Variants in TSHZ3 observed in about 807,000 individuals in gnomAD.
TSHZ3 encodes the protein teashirt homolog 3.
A neutral mutation model predicts 64.5 loss-of-function variants in TSHZ3; 10 were observed. The ratio of observed to expected loss-of-function variants is 0.16; its 90% CI spans 0.10 to 0.26. The LOEUF (loss-of-function observed/expected upper bound fraction) is 0.26. Ranked by LOEUF, TSHZ3 falls within the 10% of genes least tolerant of loss-of-function variation. The probability of loss-of-function intolerance (pLI) is 1.00; values close to 1 mark genes in which losing one functional copy is unlikely to be tolerated. For synonymous variants in TSHZ3, 608 were observed against 593.1 expected, an observed-to-expected ratio of 1.03 and a Z score of -0.36; for missense variants, 1,242 against 1,421.7, an observed-to-expected ratio of 0.87 and a Z score of 2.03.
At chr19:31,174,961 C>T (rs1490155465) in intron 5 of TSHZ3, among the ~76,000 whole-genome samples, 1 of 152,224 alleles carries the variant, frequency 6.6e-6, no homozygotes, top group Non-Finnish European at 1.5e-5. Context: ...AGCAAAACAT[C>T]CCCTGGCCTG....
intron 5 of TSHZ3, among the ~76,000 whole-genome samples, chr19:31,157,110 G>A (rs1036402214): frequency 2.0e-5 from 3 of 151,202 alleles, no homozygotes; most frequent in Non-Finnish European, 2.9e-5. Context: ...ATTTTTTTTT[G>A]TGGGAATTTA....
chr19:31,238,259 T>G (rs1482229678), intron 3 of TSHZ3, among the ~76,000 whole-genome samples: 7 of 151,342 alleles, frequency 4.6e-5, no homozygotes, highest in African/African-American at 1.7e-4. Context: ...TCGTGAATTT[T>G]TTTTTTTTTT....
chr19:31,257,644 A>G (rs1392394376), intron 1 of TSHZ3, among the ~76,000 whole-genome samples: 1 of 138,172 alleles, frequency 7.2e-6, no homozygotes, highest in African/African-American at 3.3e-5. Context: ...GTGGTTTAAG[A>G]TTGCCTGGCA....
intron 4 of TSHZ3, among the ~76,000 whole-genome samples, chr19:31,216,169 T>C (rs1157226099): frequency 6.6e-6 from 1 of 152,132 alleles, no homozygotes; most frequent in African/African-American, 2.4e-5. Flanking sequence ...ATGATGGTGT[T>C]ATGTCTGGCC....
At chr19:31,249,478 G>A (rs1185788177) in intron 1 of TSHZ3, among the ~76,000 whole-genome samples, 1 of 152,162 alleles carries the variant, frequency 6.6e-6, no homozygotes, top group Admixed American at 6.5e-5. Context: ...CGACTGCAGA[G>A]TGGCTGCTGT....
At chr19:31,254,494 G>A (rs151190670) in intron 1 of TSHZ3, among the ~76,000 whole-genome samples, 35 of 152,318 alleles carry the variant, frequency 2.3e-4, no homozygotes, top group African/African-American at 7.5e-4. Context: ...TATAAAACAC[G>A]CTGTGGCTCG....
chr19:31,285,136 C>T (rs1372512502), intron 1 of TSHZ3, among the ~76,000 whole-genome samples: 1 of 152,158 alleles, frequency 6.6e-6, no homozygotes, highest in Non-Finnish European at 1.5e-5. Flanking sequence ...CGGTGGTCTC[C>T]TTGCATTGGA....
chr19:31,318,659 A>C lies in TSHZ3; in HGVS notation c.40+30521T>G, dbSNP rs189879668. Among the ~76,000 whole-genome samples the C allele has an allele frequency of 3.6e-3, 552 of 152,344 alleles. 2 individuals are homozygous for C. The highest frequency in any genetic ancestry group is 0.013 in the African/African-American group (532 of 41,580). On this transcript the variant is annotated intron_variant, in intron 1 of 1. Coordinates refer to ENST00000240587, the MANE Select transcript of TSHZ3 (RefSeq NM_020856.4). Reference sequence around the variant, plus strand: ...TATCATGAATAAAAGAACAAAAAAAACCACTTTCTAAAATGTCTCCTATTA... The same window carrying C: ...TATCATGAATAAAAGAACAAAAAAACCCACTTTCTAAAATGTCTCCTATTA...
intron 1 of TSHZ3, among the ~76,000 whole-genome samples, chr19:31,312,698 G>A (rs991973825): frequency 8.6e-5 from 13 of 151,862 alleles, no homozygotes; most frequent in African/African-American, 2.9e-4. Context: ...AATATGAGGT[G>A]GTTCATCTTG....
intron 1 of TSHZ3, among the ~76,000 whole-genome samples, chr19:31,335,527 T>C (rs1868827779): frequency 6.6e-6 from 1 of 152,216 alleles, no homozygotes; most frequent in African/African-American, 2.4e-5. Context: ...TGGAAAATAC[T>C]GACCTTAAGG....
At chr19:31,338,561 T>C (rs1394102028) in intron 1 of TSHZ3, among the ~76,000 whole-genome samples, 2 of 150,966 alleles carry the variant, frequency 1.3e-5, no homozygotes, top group Non-Finnish European at 2.9e-5. Flanking sequence ...AGATACGGTG[T>C]TGGTTTTTCT....
At chr19:31,250,980 G>A (rs556869190) in intron 1 of TSHZ3, among the ~76,000 whole-genome samples, 1 of 152,128 alleles carries the variant, frequency 6.6e-6, no homozygotes, top group South Asian at 2.1e-4. Context: ...ACACCACCCT[G>A]CCCCACCCCA....
At chr19:31,238,347 C>A (rs1369086130) in intron 3 of TSHZ3, among the ~76,000 whole-genome samples, 1 of 151,862 alleles carries the variant, frequency 6.6e-6, no homozygotes, top group South Asian at 2.1e-4. Context: ...CCTCCACCTC[C>A]CAGGTTCAAG....
chr19:31,306,345 G>A (rs1409300425), intron 1 of TSHZ3, among the ~76,000 whole-genome samples: 2 of 152,226 alleles, frequency 1.3e-5, no homozygotes, highest in African/African-American at 4.8e-5. Flanking sequence ...ACAGTCAAAT[G>A]TCTATCTTCT....
At chr19:31,205,449 T>G (rs1205170176) in intron 4 of TSHZ3, among the ~76,000 whole-genome samples, 1 of 152,198 alleles carries the variant, frequency 6.6e-6, no homozygotes, top group African/African-American at 2.4e-5. Flanking sequence ...TTCTTTCTCC[T>G]GAAGGGCACT....
chr19:31,289,942 G>T (rs1201077742), intron 1 of TSHZ3, among the ~76,000 whole-genome samples: 3 of 152,170 alleles, frequency 2.0e-5, no homozygotes, highest in Non-Finnish European at 4.4e-5. Flanking sequence ...AAGAATATCT[G>T]CTTGACAAAG....
chr19:31,282,729 A>C (rs1189789812), intron 1 of TSHZ3, among the ~76,000 whole-genome samples: 1 of 152,130 alleles, frequency 6.6e-6, no homozygotes, highest in Non-Finnish European at 1.5e-5. Flanking sequence ...ATGACTGAGG[A>C]GGAAATTAAT....
chr19:31,311,873 G>A (rs984045702), intron 1 of TSHZ3, among the ~76,000 whole-genome samples: 7 of 152,058 alleles, frequency 4.6e-5, no homozygotes, highest in African/African-American at 7.2e-5. Flanking sequence ...GCAGGTGTGC[G>A]CCACCACGCC....
At chr19:31,185,019 C>T (rs1436442599) in intron 5 of TSHZ3, among the ~76,000 whole-genome samples, 1 of 152,002 alleles carries the variant, frequency 6.6e-6, no homozygotes, top group Non-Finnish European at 1.5e-5. Context: ...AGAACTGTAC[C>T]CTCCTGAGAC....
Sources: gnomAD v4.1 joint callset for allele counts (sites outside exome capture counted in the v4.1 genomes callset) on GRCh38, gnomAD v4.1.1 for gene constraint, MANE v1.5 for transcripts, NCBI Gene and HGNC (gene_info 2026-07-23, HGNC 2026-07-21) for gene names.